FARP2: variants seen among roughly 807,000 people sequenced by gnomAD.
FARP2 encodes FERM, ARH/RhoGEF and pleckstrin domain protein 2, also known as FERM, ARHGEF and pleckstrin domain-containing protein 2.
Under a neutral mutation model 130.5 loss-of-function variants are expected in FARP2, and 111 were observed. The ratio of observed to expected loss-of-function variants is 0.85; its 90% CI spans 0.73 to 1.00. FARP2 has a LOEUF of 1.00. Ranked by LOEUF, FARP2 falls within the 50% of genes least tolerant of loss-of-function variation. The pLI is 0.00. For synonymous variants in FARP2, 504 were observed against 516.9 expected (o/e 0.98, Z 0.34); for missense variants, 1,385 against 1,346.3 (o/e 1.03, Z -0.45).
intron 2 of FARP2, among the ~76,000 whole-genome samples, chr2:241,379,442 C>T (rs1009192645): frequency 6.6e-6 from 1 of 152,196 alleles, no homozygotes; most frequent in Non-Finnish European, 1.5e-5. Flanking sequence ...TACTTTCTCA[C>T]GTTCCCCTTT....
chr2:241,451,487 C>T (rs2063656018), intron 13 of FARP2, among the ~76,000 whole-genome samples: 1 of 152,094 alleles, frequency 6.6e-6, no homozygotes, highest in Non-Finnish European at 1.5e-5. Flanking sequence ...GAAATCAGTC[C>T]TTGAGGATAT....
At chr2:241,486,984 G>A (rs11689496) in intron 21 of FARP2, among the ~76,000 whole-genome samples, 20,045 of 150,386 alleles carry the variant, frequency 0.13, 1,472 homozygotes, top group African/African-American at 0.17. Context: ...CCTGCGGACT[G>A]TCGGTGAGGC....
intron 22 of FARP2, 22 bp from the exon 23 acceptor site, chr2:241,491,039 A>G: frequency 6.4e-7 from 1 of 1,574,438 alleles, no homozygotes; most frequent in Middle Eastern, 1.7e-4. Flanking sequence ...AGAGCCACTG[A>G]GCCTTGCCCT....
intron 5 of FARP2, among the ~76,000 whole-genome samples, chr2:241,408,732 TA>T (rs574295116): frequency 9.9e-4 from 151 of 152,306 alleles, no homozygotes; most frequent in Non-Finnish European, 1.7e-3. Flanking sequence ...GTGGTATCAA[TA>T]ACTTTTTTGC....
chr2:241,395,122 C>G (rs530637424), intron 2 of FARP2, among the ~76,000 whole-genome samples: 3 of 152,274 alleles, frequency 2.0e-5, no homozygotes, highest in Admixed American at 2.0e-4. Flanking sequence ...AGCATACCCA[C>G]CAAGTGGAAA....
rs367764997 is a variant in FARP2, at chr2:241,462,567, C to T, written c.1632C>T (p.Leu544=). 24 of 1,613,800 alleles carry T rather than the reference C, an allele frequency of 1.5e-5. No homozygotes were observed. Among genetic ancestry groups the T allele is most frequent in the African/African-American group, 4.0e-5 (3 of 74,932 alleles). The change falls in exon 15 of 27, where the codon CTC becomes CTT. Residue 544 remains leucine, a synonymous_variant. Coordinates refer to ENST00000264042, the MANE Select transcript of FARP2 (RefSeq NM_014808.4). ...DEAYFIVKEI[L]ATERTYLKDL... ...CCTACTTCATAGTCAAAGAGATTCTCGCTACAGAACGAACATACCTCAAGG... is the reference window on the plus strand; with the variant it reads ...CCTACTTCATAGTCAAAGAGATTCTTGCTACAGAACGAACATACCTCAAGG...
chr2:241,382,977 A>G (rs748185250), intron 2 of FARP2, among the ~76,000 whole-genome samples: 1 of 152,254 alleles, frequency 6.6e-6, no homozygotes, highest in African/African-American at 2.4e-5. Flanking sequence ...GAAGTAAAAT[A>G]AAAAAGGAAA....
intron 18 of FARP2, among the ~76,000 whole-genome samples, 198 bp downstream of exon 18, chr2:241,468,575 G>C (rs1019706471): frequency 1.3e-5 from 2 of 152,232 alleles, no homozygotes; most frequent in African/African-American, 4.8e-5. Context: ...CAGGTCCCAG[G>C]CTACACCAGG....
chr2:241,475,794 TG>T lies in FARP2; in HGVS notation c.2132-60del. 1 of 1,419,124 alleles carries T rather than the reference TG, an allele frequency of 7.0e-7. No individual in the cohort carries two copies. Among genetic ancestry groups the T allele is most frequent in the Non-Finnish European group, 9.3e-7 (1 of 1,070,518 alleles). 87.9% of individuals were successfully genotyped at this position (1,419,124 alleles called of 1,614,324 possible). A position where few individuals can be genotyped will look rare whatever the true frequency, so the allele number is the denominator to read the frequency against. ...AATGCTGGTTCCTGTCACAAGGTGG[TG>T]GGTGGAGGGTGCTGTGCACACCACT... On this transcript the variant is annotated intron_variant, in intron 18 of 26. Transcript: ENST00000264042. The surrounding 1 kb of genome is among the most constrained non-coding windows in gnomAD (Gnocchi z 4.4).
chr2:241,396,419 T>G (rs2062029566), intron 2 of FARP2, among the ~76,000 whole-genome samples: 1 of 151,746 alleles, frequency 6.6e-6, no homozygotes, highest in Non-Finnish European at 1.5e-5. Flanking sequence ...GGGAGAAAAT[T>G]TTCACAACCT....
intron 12 of FARP2, among the ~76,000 whole-genome samples, chr2:241,438,803 T>G (rs77501868): frequency 1.3e-5 from 2 of 151,702 alleles, no homozygotes; most frequent in East Asian, 2.0e-4. Context: ...TAATTTTTTT[T>G]TATTTTTCAG....
At chr2:241,429,328 A>G (rs192833072) in intron 8 of FARP2, among the ~76,000 whole-genome samples, 16 of 152,262 alleles carry the variant, frequency 1.1e-4, no homozygotes, top group Admixed American at 2.6e-4. Flanking sequence ...GGTCTCTGCA[A>G]TCTGGAACAT....
At chr2:241,396,571 A>G (rs944747746) in intron 2 of FARP2, among the ~76,000 whole-genome samples, 2 of 152,246 alleles carry the variant, frequency 1.3e-5, no homozygotes, top group African/African-American at 2.4e-5. Context: ...CAGCCAACAA[A>G]CACATGAAAA....
rs565161168 is a variant in FARP2, at chr2:241,414,484, G to A, written c.623+1063G>A. Among the ~76,000 whole-genome samples, 31 of 152,338 alleles carry A rather than the reference G, an allele frequency of 2.0e-4. 1 individual carries two copies. Among genetic ancestry groups the A allele is most frequent in the Admixed American group, 1.8e-3 (28 of 15,298 alleles). On this transcript the variant is annotated intron_variant, in intron 7 of 26. Coordinates refer to ENST00000264042, the MANE Select transcript of FARP2 (RefSeq NM_014808.4). ...AAGGCTCTACCGGGACCTGCTGGCA[G>A]CTGCCCTTTCACACCTTCAAAGTAT...
chr2:241,458,030 A>G (rs1432185350), intron 14 of FARP2, among the ~76,000 whole-genome samples: 2 of 152,142 alleles, frequency 1.3e-5, no homozygotes, highest in Non-Finnish European at 2.9e-5. Context: ...GCAGGGAGAA[A>G]GTGACCGAGC....
chr2:241,391,136 G>C (rs1374386715), intron 2 of FARP2, among the ~76,000 whole-genome samples: 1 of 152,224 alleles, frequency 6.6e-6, no homozygotes, highest in Non-Finnish European at 1.5e-5. Flanking sequence ...GAAGAAGAAA[G>C]AAAGGAATTG....
chr2:241,463,551 C>G, intron 16 of FARP2, 83 bp downstream of exon 16: 1 of 1,506,564 alleles, frequency 6.6e-7, no homozygotes, highest in Non-Finnish European at 9.0e-7. Context: ...GCTTCAGAAA[C>G]TAATTCAGAA....
chr2:241,460,447 C>CTTT (rs34619844), intron 14 of FARP2, among the ~76,000 whole-genome samples: 1 of 145,844 alleles, frequency 6.9e-6, no homozygotes, highest in Non-Finnish European at 1.5e-5. Flanking sequence ...CTTGGCTAAC[C>CTTT]TTTTTTTTTT....
At chr2:241,387,329 C>T (rs2061807476) in intron 2 of FARP2, 1 of 152,128 alleles carries the variant, frequency 6.6e-6, no homozygotes, top group African/African-American at 2.4e-5. Flanking sequence ...ACTGTTTACA[C>T]ATGACACTAC....
Sources: gnomAD v4.1 joint callset for allele counts (sites outside exome capture counted in the v4.1 genomes callset) on GRCh38, gnomAD v4.1.1 for gene constraint, Gnocchi (gnomAD v3.1) non-coding constraint, MANE v1.5 for transcripts, NCBI Gene and HGNC (gene_info 2026-07-23, HGNC 2026-07-21) for gene names.